Variants in DNAH3 observed in about 807,000 individuals in gnomAD.
DNAH3 encodes the protein axonemal beta dynein heavy chain 3.
In DNAH3, 332 loss-of-function variants were observed where a neutral mutation model predicts 432.5. The observed-to-expected ratio is 0.77, with a 90% CI of 0.70 to 0.84. The LOEUF (loss-of-function observed/expected upper bound fraction) is 0.84, where lower values mean the gene tolerates loss of function less well. Among genes scored for constraint, DNAH3 ranks in the 40% least tolerant of loss-of-function variants. The pLI is 0.00. For missense variants in DNAH3, 4,861 were observed against 5,114.0 expected, an observed-to-expected ratio of 0.95 and a Z score of 1.51; for synonymous variants, 1,956 against 1,900.2, an observed-to-expected ratio of 1.03 and a Z score of -0.76.
intron 7 of DNAH3, among the ~76,000 whole-genome samples, chr16:21,133,401 C>T (rs1337029021): frequency 6.8e-6 from 1 of 147,814 alleles, no homozygotes; most frequent in African/African-American, 2.5e-5. Flanking sequence ...CAAGCCCGCA[C>T]ACACTTCATA....
At chr16:21,113,771 T>C (rs1035989698) in intron 12 of DNAH3, among the ~76,000 whole-genome samples, 1 of 152,204 alleles carries the variant, frequency 6.6e-6, no homozygotes, top group African/African-American at 2.4e-5. Context: ...ATGTCTTTAA[T>C]TTTAAGTGGA....
chr16:20,969,800 C>T (rs2085251249), exon 52 of DNAH3: 2 of 1,614,150 alleles, frequency 1.2e-6, no homozygotes, highest in Non-Finnish European at 8.5e-7. Flanking sequence ...ACCGGAGCCA[C>T]TGGGGTCTGG....
At chr16:20,973,707 C>T (rs2085448907) in intron 51 of DNAH3, among the ~76,000 whole-genome samples, 1 of 152,256 alleles carries the variant, frequency 6.6e-6, no homozygotes, top group East Asian at 1.9e-4. Flanking sequence ...CTTACCAGGA[C>T]TATTTCCTCT....
intron 51 of DNAH3, among the ~76,000 whole-genome samples, chr16:20,972,738 G>GA (rs140790305): frequency 2.7e-5 from 3 of 111,060 alleles, no homozygotes; most frequent in African/African-American, 3.7e-5. Context: ...AATGCCCCGT[G>GA]ATTTTTTTTT....
intron 31 of DNAH3, among the ~76,000 whole-genome samples, chr16:21,046,486 T>A (rs1402204905): frequency 6.6e-6 from 1 of 151,816 alleles, no homozygotes; most frequent in Admixed American, 6.6e-5. Context: ...TATCAGAGAC[T>A]AGGATTGCAA....
intron 44 of DNAH3, among the ~76,000 whole-genome samples, chr16:20,989,847 TG>T (rs1453755422): frequency 6.6e-6 from 1 of 152,202 alleles, no homozygotes; most frequent in African/African-American, 2.4e-5. Flanking sequence ...CTGGCACTGC[TG>T]GGGGACCCAG....
chr16:21,145,734 G>C (rs1438817355), intron 2 of DNAH3, among the ~76,000 whole-genome samples: 1 of 152,188 alleles, frequency 6.6e-6, no homozygotes, highest in East Asian at 1.9e-4. Flanking sequence ...CAGAAGTTCA[G>C]AGAGTTTAAA....
At chr16:21,039,982 A>C (rs1353205401) in intron 32 of DNAH3, 39 bp from the exon 33 acceptor site, 1 of 1,507,696 alleles carries the variant, frequency 6.6e-7, no homozygotes. Flanking sequence ...GAACACGTGC[A>C]GTGAATACTG....
chr16:21,122,117 T>A, exon 10 of DNAH3: 2 of 1,610,642 alleles, frequency 1.2e-6, no homozygotes, highest in Non-Finnish European at 1.7e-6. Flanking sequence ...CTTAAAATCA[T>A]TCCCATCCTT....
At chr16:21,086,746 G>T in intron 19 of DNAH3, 103 bp downstream of exon 19, 1 of 1,019,666 alleles carries the variant, frequency 9.8e-7, no homozygotes, top group South Asian at 1.4e-5. Context: ...GTCTCCTTTC[G>T]GAAAGGAGAA....
rs36041463 is a variant in DNAH3, at chr16:21,149,226, CA to C, written c.118-3139del. 3.2e-3 allele frequency among the ~76,000 whole-genome samples: 421 copies of C among 131,626 alleles called. 2 individuals are homozygous for C. The highest frequency in any genetic ancestry group is 7.2e-3 in the African/African-American group (258 of 35,816). 86.4% of individuals were successfully genotyped at this position (131,626 alleles called of 152,430 possible). A position where few individuals can be genotyped will look rare whatever the true frequency, so the allele number is the denominator to read the frequency against. ...CCTGGATAACAGAGACAAACTGTCT[CA>C]AAAAAAAAAAAAGAAAGAAAGAAAA... On this transcript the variant is annotated intron_variant, in intron 1 of 61. Coordinates refer to ENST00000261383, the Ensembl canonical transcript of DNAH3.
intron 47 of DNAH3, among the ~76,000 whole-genome samples, chr16:20,986,784 A>G (rs2086221108): frequency 6.6e-6 from 1 of 152,186 alleles, no homozygotes; most frequent in South Asian, 2.1e-4. Context: ...CTCTGAACGC[A>G]AGATAAAACA....
intron 35 of DNAH3, among the ~76,000 whole-genome samples, chr16:21,034,427 T>G (rs573605871): frequency 6.6e-6 from 1 of 152,348 alleles, no homozygotes; most frequent in East Asian, 1.9e-4. Flanking sequence ...GGTTAAATAC[T>G]TGCCCAAGTT....
At chr16:21,036,577 G>T in intron 35 of DNAH3, 137 bp downstream of exon 35, 1 of 813,266 alleles carries the variant, frequency 1.2e-6, no homozygotes, top group Non-Finnish European at 2.0e-6. Context: ...ATTACGCCCA[G>T]CTAATGTTTT....
At chr16:21,075,535 C>T in exon 21 of DNAH3, 2 of 1,613,934 alleles carry the variant, frequency 1.2e-6, no homozygotes, top group Non-Finnish European at 1.7e-6. Flanking sequence ...GTATTCCTTG[C>T]TGGCAGCTGC....
exon 23 of DNAH3, chr16:21,069,568 T>C (rs1211659351): frequency 3.7e-6 from 6 of 1,610,008 alleles, no homozygotes; most frequent in Non-Finnish European, 5.1e-6. Context: ...AATTGTCTTG[T>C]ATGCGAATTA....
chr16:20,935,071 A>G (rs1158662569), intron 61 of DNAH3, among the ~76,000 whole-genome samples: 1 of 152,156 alleles, frequency 6.6e-6, no homozygotes, highest in Non-Finnish European at 1.5e-5. Context: ...ACCACATTGA[A>G]CAAACAGAGT....
intron 40 of DNAH3, 62 bp downstream of exon 40, chr16:21,021,909 A>C (rs1031736158): frequency 8.2e-6 from 13 of 1,578,184 alleles, no homozygotes; most frequent in Non-Finnish European, 1.1e-5. Context: ...TCTCAAAAAA[A>C]AAAGAAATAG....
At chr16:21,079,839 ATAG>A (rs1297010189) in intron 20 of DNAH3, among the ~76,000 whole-genome samples, 1 of 152,178 alleles carries the variant, frequency 6.6e-6, no homozygotes, top group Non-Finnish European at 1.5e-5. Context: ...AATGAGGAAC[ATAG>A]TGGTGGTATT....
Sources: gnomAD v4.1 joint callset for allele counts (sites outside exome capture counted in the v4.1 genomes callset) on GRCh38, gnomAD v4.1.1 for gene constraint, MANE v1.5 for transcripts, NCBI Gene and HGNC (gene_info 2026-07-23, HGNC 2026-07-21) for gene names.